Variants in CCDC141 observed in about 807,000 individuals in gnomAD.
CCDC141 encodes coiled-coil domain-containing protein 141.
CCDC141 carries 168 observed loss-of-function variants against 181.0 expected under a neutral mutation model. The observed-to-expected ratio is 0.93, with a 90% CI of 0.82 to 1.05. The LOEUF is 1.05. Among genes scored for constraint, CCDC141 ranks in the 50% least tolerant of loss-of-function variants. CCDC141 has a pLI of 0.00. For synonymous variants in CCDC141, 666 were observed against 642.3 expected (o/e 1.04, Z -0.56); for missense variants, 1,902 against 1,788.5 (o/e 1.06, Z -1.14).
At chr2:178,950,121 T>C (rs1274459575) in intron 5 of CCDC141, among the ~76,000 whole-genome samples, 1 of 152,250 alleles carries the variant, frequency 6.6e-6, no homozygotes, top group African/African-American at 2.4e-5. Context: ...CAGAACTTGC[T>C]GAATAACCAG....
chr2:179,015,497 C>CCATATATATCACATATGTGT (rs2042471399), intron 2 of CCDC141, among the ~76,000 whole-genome samples: 1 of 40,066 alleles, frequency 2.5e-5, no homozygotes, highest in African/African-American at 6.4e-5. Context: ...CATATATGTG[C>CCATATATATCACATATGTGT]CATATATATC....
chr2:178,862,302 C>T (rs1685655980), intron 17 of CCDC141, among the ~76,000 whole-genome samples: 1 of 152,124 alleles, frequency 6.6e-6, no homozygotes, highest in African/African-American at 2.4e-5. Flanking sequence ...AACTTGAGAA[C>T]ACGGATACCA....
chr2:178,903,184 T>C (rs1687790397), intron 8 of CCDC141, among the ~76,000 whole-genome samples: 1 of 147,400 alleles, frequency 6.8e-6, no homozygotes, highest in African/African-American at 2.5e-5. Context: ...TCAACCATTG[T>C]GGAAGTCAGT....
rs1684544532 is a variant in CCDC141 at position 178,837,644 on chromosome 2, T to C, written c.3575A>G (p.Gln1192Arg). Reference protein sequence around the residue: ...KVSTDKEGGVQDLLLPEDMLS... With the variant: ...KVSTDKEGGVRDLLLPEDMLS... ...CATGTCTTCAGGCAGGAGCAGGTCC[T>C]GGACGCCACCCTCCTTGTCAGTGGA... Residue 1192 changes from glutamine (Q) to arginine (R), a missense_variant, in exon 23 of 24, where the codon CAG (glutamine) becomes CGG (arginine). Gln to Arg is a conservative substitution (Grantham distance 43). Transcript: ENST00000443758. 2 of 1,613,970 alleles carry C rather than the reference T, an allele frequency of 1.2e-6. No homozygotes were observed. The highest frequency in any genetic ancestry group is 1.3e-5 in the African/African-American group (1 of 74,930).
At chr2:178,929,938 G>C (rs928352628) in intron 6 of CCDC141, among the ~76,000 whole-genome samples, 8 of 152,084 alleles carry the variant, frequency 5.3e-5, no homozygotes, top group Non-Finnish European at 1.0e-4. Context: ...AGTTTGAGAA[G>C]CTCTGGTCTA....
intron 2 of CCDC141, among the ~76,000 whole-genome samples, chr2:179,011,519 G>A (rs2042269521): frequency 6.6e-6 from 1 of 152,110 alleles, no homozygotes; most frequent in Admixed American, 6.6e-5. Context: ...AAACACAATA[G>A]TGGGGGACTT....
chr2:178,989,766 G>GA (rs1691953518), intron 2 of CCDC141, among the ~76,000 whole-genome samples: 1 of 125,520 alleles, frequency 8.0e-6, no homozygotes, highest in Admixed American at 9.2e-5. Flanking sequence ...ATTAGTCTTA[G>GA]AAAAATGCAA....
chr2:178,929,949 G>A (rs1172128193), intron 6 of CCDC141, among the ~76,000 whole-genome samples: 2 of 152,090 alleles, frequency 1.3e-5, no homozygotes, highest in African/African-American at 4.8e-5. Context: ...CTCTGGTCTA[G>A]AATACACTGA....
intron 2 of CCDC141, among the ~76,000 whole-genome samples, chr2:179,010,975 G>A (rs978239436): frequency 1.3e-5 from 2 of 152,000 alleles, no homozygotes; most frequent in Non-Finnish European, 2.9e-5. Context: ...TGGCCAACAT[G>A]GTGAAACCCT....
rs556664781 is a variant in CCDC141, at chr2:178,894,878, C to T, written c.1266-6210G>A. Among the ~76,000 whole-genome samples the T allele has an allele frequency of 7.9e-5, 12 of 152,142 alleles. No individual in the cohort carries two copies. The South Asian group carries it at 2.1e-3, about 26-fold the overall frequency. ...CTTGCTGAAATTTTCTCATAATTTG[C>T]GACATAATACTGAGATTAAAAGGGC... On this transcript the variant is annotated intron_variant, in intron 8 of 23. Coordinates refer to ENST00000443758, the MANE Select transcript of CCDC141 (RefSeq NM_173648.4).
intron 2 of CCDC141, among the ~76,000 whole-genome samples, chr2:178,997,081 T>A (rs1353289884): frequency 6.6e-6 from 1 of 152,174 alleles, no homozygotes; most frequent in Non-Finnish European, 1.5e-5. Flanking sequence ...AAAGTGTGCC[T>A]CCTATGAGAT....
intron 2 of CCDC141, among the ~76,000 whole-genome samples, chr2:178,983,300 C>A (rs1183426240): frequency 6.6e-6 from 1 of 152,252 alleles, no homozygotes; most frequent in South Asian, 2.1e-4. Flanking sequence ...ACATCCACAC[C>A]AAAAACCCAT....
chr2:179,022,852 A>G (rs2042726382), intron 2 of CCDC141, among the ~76,000 whole-genome samples: 1 of 152,158 alleles, frequency 6.6e-6, no homozygotes, highest in Non-Finnish European at 1.5e-5. Flanking sequence ...GAGCAGAGCC[A>G]TCTTGATGCT....
chr2:178,861,732 T>G (rs1685630614), intron 17 of CCDC141, among the ~76,000 whole-genome samples: 1 of 152,100 alleles, frequency 6.6e-6, no homozygotes, highest in Non-Finnish European at 1.5e-5. Flanking sequence ...TCCTCCTACC[T>G]TGGCATCCCA....
rs756203968 is a variant in CCDC141, at chr2:178,855,482, AT to A, written c.2924del (p.Tyr975PhefsTer13). 1.2e-6 allele frequency: 2 copies of A among 1,609,118 alleles called. No individual in the cohort carries two copies. The highest frequency in any genetic ancestry group is 1.7e-6 in the Non-Finnish European group (2 of 1,178,158). ...SNKTSDSFLN[Y>X]PSDKVNVLLE... ...AAAGGACATTAACTTTATCACTTGGATAATTTAAGAAAGAATCAGAGGTTTT... is the reference window on the plus strand; with the variant it reads ...AAAGGACATTAACTTTATCACTTGGAAATTTAAGAAAGAATCAGAGGTTTT... On this transcript the variant is annotated frameshift_variant, in exon 19 of 24. Coordinates refer to ENST00000443758, the MANE Select transcript of CCDC141 (RefSeq NM_173648.4). LOFTEE classifies it high-confidence loss of function.
At chr2:178,960,632 G>A (rs567524643) in intron 5 of CCDC141, among the ~76,000 whole-genome samples, 1 of 152,126 alleles carries the variant, frequency 6.6e-6, no homozygotes, top group East Asian at 1.9e-4. Context: ...GTAGCAGAAG[G>A]AATGCATGTC....
chr2:178,884,304 T>C (rs909445585), intron 11 of CCDC141, among the ~76,000 whole-genome samples: 1 of 151,556 alleles, frequency 6.6e-6, no homozygotes, highest in African/African-American at 2.4e-5. Flanking sequence ...AAAGTTAAGC[T>C]TGGGAACTGG....
the CCDC141 span, among the ~76,000 whole-genome samples, chr2:178,824,440 T>C: frequency 1.3e-5 from 2 of 151,822 alleles, no homozygotes; most frequent in Admixed American, 6.6e-5. Flanking sequence ...CTGGCCAACA[T>C]GGAGAAACAC....
intron 4 of CCDC141, among the ~76,000 whole-genome samples, chr2:178,970,502 T>C (rs1250369843): frequency 2.0e-5 from 3 of 152,120 alleles, no homozygotes; most frequent in Non-Finnish European, 2.9e-5. Context: ...ACAAACCTGA[T>C]ACAAACATGC....
Sources: gnomAD v4.1 joint callset for allele counts (sites outside exome capture counted in the v4.1 genomes callset) on GRCh38, gnomAD v4.1.1 for gene constraint, MANE v1.5 for transcripts, NCBI Gene and HGNC (gene_info 2026-07-23, HGNC 2026-07-21) for gene names.